LRP1B: variants seen among roughly 807,000 people sequenced by gnomAD.
LRP1B encodes low-density lipoprotein receptor-related protein 1B.
LRP1B carries 217 observed loss-of-function variants against 556.6 expected under a neutral mutation model. The observed-to-expected ratio is 0.39, with a 90% confidence interval of 0.35 to 0.44. LRP1B has a LOEUF of 0.44. Among genes scored for constraint, LRP1B ranks in the 20% least tolerant of loss-of-function variants. LRP1B has a pLI of 1.00. For missense variants in LRP1B, 5,053 were observed against 5,620.8 expected, an observed-to-expected ratio of 0.90 and a Z score of 3.23; for synonymous variants, 2,047 against 1,865.8, an observed-to-expected ratio of 1.10 and a Z score of -2.50.
chr2:142,047,399 CA>C (rs1309921601), intron 1 of LRP1B, among the ~76,000 whole-genome samples: 2 of 151,784 alleles, frequency 1.3e-5, no homozygotes, highest in African/African-American at 4.8e-5. Context: ...CTAGGTTTTT[CA>C]ACAGAAAAAA....
rs1574244750 is a variant in LRP1B, at chr2:140,689,974, C to A, written c.6799+10276G>T. ...TTTATGTCTTGTTATGGTTTTAATT[C>A]TCAATATAAAACTTTCCATCCCAAA... On this transcript the variant is annotated intron_variant, in intron 41 of 90. Transcript: ENST00000389484. Among the ~76,000 whole-genome samples the A allele has an allele frequency of 2.0e-5, 3 of 152,094 alleles. No homozygotes were observed. The East Asian group carries it at 5.8e-4, about 29-fold the overall frequency.
At position 140,557,972 on chromosome 2, in the gene LRP1B, A is replaced by G. The variant is rs148280221; in HGVS notation, c.7195-16001T>C. On this transcript the variant is annotated intron_variant, in intron 43 of 90. Coordinates refer to ENST00000389484, the MANE Select transcript of LRP1B (RefSeq NM_018557.3). ...TGACGAAGCCTAAGCTCCAAAGAAT[A>G]TCACCTGATGCATATTAGGCGCTCA... Among the ~76,000 whole-genome samples the G allele has an allele frequency of 5.3e-4, 81 of 152,300 alleles. 2 individuals are homozygous for G. The highest frequency in any genetic ancestry group is 2.6e-3 in the Admixed American group (39 of 15,286).
intron 1 of LRP1B, among the ~76,000 whole-genome samples, chr2:141,945,341 C>A (rs1438835576): frequency 1.3e-5 from 2 of 152,056 alleles, no homozygotes; most frequent in East Asian, 3.9e-4. Context: ...AGATGTAATT[C>A]TCTTAAAGAC....
intron 37 of LRP1B, among the ~76,000 whole-genome samples, 174 bp downstream of exon 37, chr2:140,715,799 A>G (rs1687189304): frequency 6.6e-6 from 1 of 151,826 alleles, no homozygotes; most frequent in South Asian, 2.1e-4. Context: ...ATGTGACTTC[A>G]TCGAATATGT....
At chr2:140,538,419 CTTT>C in intron 45 of LRP1B, among the ~76,000 whole-genome samples, 1 of 152,114 alleles carries the variant, frequency 6.6e-6, no homozygotes, top group East Asian at 1.9e-4. Context: ...TGGTTGCCAT[CTTT>C]ATGTCCATGA....
chr2:140,657,543 T>C (rs1476775183), intron 41 of LRP1B, among the ~76,000 whole-genome samples: 1 of 149,204 alleles, frequency 6.7e-6, no homozygotes, highest in East Asian at 1.9e-4. Flanking sequence ...GATGGATAGA[T>C]AGATATTTCA....
At chr2:141,143,117 G>C (rs1701697402) in intron 7 of LRP1B, among the ~76,000 whole-genome samples, 1 of 151,862 alleles carries the variant, frequency 6.6e-6, no homozygotes, top group Non-Finnish European at 1.5e-5. Flanking sequence ...TTTTAGTAAA[G>C]ACGGGGTTTC....
At chr2:141,889,639 T>C (rs1224547379) in intron 1 of LRP1B, among the ~76,000 whole-genome samples, 1 of 152,142 alleles carries the variant, frequency 6.6e-6, no homozygotes, top group Non-Finnish European at 1.5e-5. Flanking sequence ...CTCCAGGGTT[T>C]CACACAGTGA....
At chr2:140,985,170 A>G (rs904062088) in intron 17 of LRP1B, among the ~76,000 whole-genome samples, 7 of 152,036 alleles carry the variant, frequency 4.6e-5, no homozygotes, top group Admixed American at 4.6e-4. Context: ...TGTAACAGTG[A>G]GAATTCTCAC....
At chr2:140,780,207 A>G (rs534288619) in intron 32 of LRP1B, among the ~76,000 whole-genome samples, 11 of 152,192 alleles carry the variant, frequency 7.2e-5, no homozygotes, top group Non-Finnish European at 1.6e-4. Context: ...AGACATTGCT[A>G]TTGATAATCG....
In LRP1B at chr2:140,886,286, C is replaced by A; in HGVS notation, c.3816G>T (p.Arg1272Ser). 2 of 1,606,780 alleles carry A rather than the reference C, an allele frequency of 1.2e-6. No homozygotes were observed. The highest frequency in any genetic ancestry group is 1.7e-6 in the Non-Finnish European group (2 of 1,175,678). Reference sequence around the variant, plus strand: ...TATAGTCTCTTTTGTGAAGATCAATCCTTCTGATCTCATGACGAATAGAAA... The same window carrying A: ...TATAGTCTCTTTTGTGAAGATCAATACTTCTGATCTCATGACGAATAGAAA... ...IIFSIRHEIR[R>S]IDLHKRDYSL... Residue 1272 changes from arginine (R) to serine (S), a missense_variant, in exon 24 of 91, where the codon AGG becomes AGT. By Grantham distance (110) the Arg-to-Ser change is moderately radical (BLOSUM62 -1). Coordinates refer to ENST00000389484, the MANE Select transcript of LRP1B (RefSeq NM_018557.3).
At chr2:142,126,775 A>C (rs983526933) in intron 1 of LRP1B, among the ~76,000 whole-genome samples, 13 of 151,924 alleles carry the variant, frequency 8.6e-5, no homozygotes, top group Admixed American at 1.3e-4. Context: ...AACATAAAAA[A>C]CTGGATCCAT....
intron 2 of LRP1B, among the ~76,000 whole-genome samples, chr2:141,515,866 C>G (rs1321817059): frequency 6.6e-6 from 1 of 152,084 alleles, no homozygotes; most frequent in African/African-American, 2.4e-5. Flanking sequence ...TAAGAATGTT[C>G]TCATGCATAG....
At chr2:141,368,640 C>T (rs373548339) in intron 3 of LRP1B, among the ~76,000 whole-genome samples, 9 of 152,134 alleles carry the variant, frequency 5.9e-5, no homozygotes, top group Admixed American at 1.3e-4. Context: ...GCTGATTTTA[C>T]GCTTGGGAAT....
chr2:141,756,997 G>A (rs2105583299), intron 2 of LRP1B, among the ~76,000 whole-genome samples: 1 of 152,144 alleles, frequency 6.6e-6, no homozygotes, highest in South Asian at 2.1e-4. Context: ...ATTTCTCAGT[G>A]TGAATGGAAT....
intron 49 of LRP1B, among the ~76,000 whole-genome samples, chr2:140,518,022 T>A (rs1296654502): frequency 6.6e-6 from 1 of 152,114 alleles, no homozygotes; most frequent in Non-Finnish European, 1.5e-5. Flanking sequence ...ATTTATCTTT[T>A]AACTGGGTGT....
chr2:141,005,194 T>G (rs1425586976), intron 15 of LRP1B, 141 bp downstream of exon 15: 2 of 942,310 alleles, frequency 2.1e-6, no homozygotes, highest in Non-Finnish European at 3.0e-6. Flanking sequence ...AGTTAATAAT[T>G]TATAGTCTAA....
At position 141,353,517 on chromosome 2, in the gene LRP1B, A is replaced by T. The variant is rs190959572; in HGVS notation, c.344-98876T>A. 4.6e-3 allele frequency among the ~76,000 whole-genome samples: 701 copies of T among 152,122 alleles called. 7 individuals carry two copies. The highest frequency in any genetic ancestry group is 0.015 in the African/African-American group (634 of 41,518). On this transcript the variant is annotated intron_variant, in intron 3 of 90. Transcript: ENST00000389484. ...TGTAAATTTCTTTAAAAACTTTTTT[A>T]ACATTAGCCAAGATTCTCAATCAAT...
At chr2:140,518,672 G>T (rs571585143) in intron 49 of LRP1B, among the ~76,000 whole-genome samples, 13 of 152,208 alleles carry the variant, frequency 8.5e-5, no homozygotes, top group African/African-American at 2.9e-4. Context: ...TGGATTCCTA[G>T]GTATTTTATT....
Sources: gnomAD v4.1 joint callset for allele counts (sites outside exome capture counted in the v4.1 genomes callset) on GRCh38, gnomAD v4.1.1 for gene constraint, MANE v1.5 for transcripts, NCBI Gene and HGNC (gene_info 2026-07-23, HGNC 2026-07-21) for gene names.